SYNPR: variants seen among roughly 807,000 people sequenced by gnomAD.
The protein encoded by SYNPR is synaptoporin.
A neutral mutation model predicts 32.9 loss-of-function variants in SYNPR; 23 were observed. The ratio of observed to expected loss-of-function variants is 0.70; its 90% CI spans 0.50 to 0.99. The LOEUF is 0.99. Ranked by LOEUF, SYNPR falls within the 50% of genes least tolerant of loss-of-function variation. The pLI is 0.00. For synonymous variants in SYNPR, 146 were observed against 135.9 expected, an observed-to-expected ratio of 1.07 and a Z score of -0.52; for missense variants, 318 against 349.3, an observed-to-expected ratio of 0.91 and a Z score of 0.71.
At chr3:63,591,921 T>TA (rs569646701) in intron 4 of SYNPR, among the ~76,000 whole-genome samples, 37,355 of 135,684 alleles carry the variant, frequency 0.28, 4,929 homozygotes, top group South Asian at 0.44. Context: ...TAAAGTATAA[T>TA]AAAAAAAAAA....
intron 2 of SYNPR, among the ~76,000 whole-genome samples, chr3:63,349,306 T>A (rs2087476578): frequency 6.6e-6 from 1 of 151,084 alleles, no homozygotes; most frequent in African/African-American, 2.4e-5. Flanking sequence ...TTCACCATGT[T>A]GGTCAGGCTG....
chr3:63,266,850 G>A (rs1482213192), intron 2 of SYNPR, among the ~76,000 whole-genome samples: 5 of 151,998 alleles, frequency 3.3e-5, no homozygotes, highest in African/African-American at 7.3e-5. Flanking sequence ...CCATGGTGCC[G>A]GGAGTCCATG....
chr3:63,612,278 T>A (rs1700209990), intron 5 of SYNPR, among the ~76,000 whole-genome samples: 1 of 152,210 alleles, frequency 6.6e-6, no homozygotes, highest in Non-Finnish European at 1.5e-5. Flanking sequence ...TCAATACATG[T>A]CAACTGAAAA....
At chr3:63,206,529 C>G in the SYNPR span, among the ~76,000 whole-genome samples, 1 of 151,808 alleles carries the variant, frequency 6.6e-6, no homozygotes, top group Non-Finnish European at 1.5e-5. Context: ...CCACTGCACT[C>G]CAGCCTGGGT....
At chr3:63,357,690 C>T (rs1290159542) in intron 2 of SYNPR, among the ~76,000 whole-genome samples, 1 of 152,138 alleles carries the variant, frequency 6.6e-6, no homozygotes, top group Admixed American at 6.5e-5. Context: ...TAAGTGTGTA[C>T]ATGAATCACC....
intron 2 of SYNPR, among the ~76,000 whole-genome samples, chr3:63,253,131 T>TTA (rs2086348439): frequency 6.6e-6 from 1 of 152,140 alleles, no homozygotes; most frequent in South Asian, 2.1e-4. Context: ...ATAGAACTGT[T>TTA]TTTAGAGTTT....
At chr3:63,505,693 T>C (rs1028372230) in intron 3 of SYNPR, among the ~76,000 whole-genome samples, 3 of 152,218 alleles carry the variant, frequency 2.0e-5, no homozygotes, top group African/African-American at 7.2e-5. Context: ...AATGTGTTTA[T>C]ATACAAGATA....
At chr3:63,445,492 A>G in intron 2 of SYNPR, 2 of 686,062 alleles carry the variant, frequency 2.9e-6, no homozygotes, top group Non-Finnish European at 5.3e-6. Context: ...TTTGGGGGAA[A>G]ACAATAAAGG....
rs1344247997 is a variant in SYNPR, at chr3:63,595,741, A to AAT, written c.409-13384_409-13383insAT. ...TTTATATATATATATATATATATAT[A>AAT]TATATATATATATATATATATATAT... On this transcript the variant is annotated intron_variant, in intron 4 of 5. Transcript: ENST00000478300. Among the ~76,000 whole-genome samples the AAT allele has an allele frequency of 1.6e-3, 72 of 46,024 alleles. 4 individuals are homozygous for AAT. The highest frequency in any genetic ancestry group is 0.015 in the African/African-American group (69 of 4,642). 30.2% of individuals were successfully genotyped at this position (46,024 alleles called of 152,430 possible).
intron 2 of SYNPR, among the ~76,000 whole-genome samples, chr3:63,353,247 A>G (rs537553284): frequency 6.6e-6 from 1 of 152,312 alleles, no homozygotes; most frequent in Non-Finnish European, 1.5e-5. Context: ...TGTAAGAAAA[A>G]CACAAATAGA....
chr3:63,532,195 G>C (rs1702124790), intron 3 of SYNPR, among the ~76,000 whole-genome samples: 1 of 152,130 alleles, frequency 6.6e-6, no homozygotes, highest in Non-Finnish European at 1.5e-5. Context: ...TGAAAAACTG[G>C]AACTTTCAAA....
chr3:63,514,751 A>G (rs1701763620), intron 3 of SYNPR, among the ~76,000 whole-genome samples: 1 of 152,178 alleles, frequency 6.6e-6, no homozygotes, highest in South Asian at 2.1e-4. Flanking sequence ...TTTGTATTTT[A>G]GCTTTTTCTC....
intron 2 of SYNPR, among the ~76,000 whole-genome samples, chr3:63,295,280 T>A (rs990869541): frequency 5.9e-5 from 9 of 152,188 alleles, no homozygotes; most frequent in African/African-American, 2.2e-4. Flanking sequence ...TTTCTACATG[T>A]TATGCCATTT....
intron 3 of SYNPR, among the ~76,000 whole-genome samples, chr3:63,538,680 T>A (rs1702251311): frequency 6.6e-6 from 1 of 151,992 alleles, no homozygotes; most frequent in Non-Finnish European, 1.5e-5. Flanking sequence ...GAAGGCTTCC[T>A]CCACGTGGAG....
intron 3 of SYNPR, among the ~76,000 whole-genome samples, chr3:63,509,119 T>TAC (rs972766633): frequency 2.2e-4 from 33 of 150,212 alleles, no homozygotes; most frequent in Middle Eastern, 3.5e-3. Context: ...TATATATATA[T>TAC]ACACACACAC....
intron 2 of SYNPR, among the ~76,000 whole-genome samples, chr3:63,366,822 T>G (rs531827794): frequency 6.6e-6 from 1 of 152,316 alleles, no homozygotes; most frequent in South Asian, 2.1e-4. Flanking sequence ...ACCTGAGCCA[T>G]TGAATGGTTA....
chr3:63,230,627 G>A (rs2086159500), intron 1 of SYNPR, among the ~76,000 whole-genome samples: 1 of 152,192 alleles, frequency 6.6e-6, no homozygotes, highest in South Asian at 2.1e-4. Flanking sequence ...GTGGTTAAGA[G>A]CCAGCACTTG....
At chr3:63,499,922 A>AC (rs1701447213) in intron 3 of SYNPR, among the ~76,000 whole-genome samples, 1 of 148,502 alleles carries the variant, frequency 6.7e-6, no homozygotes, top group Non-Finnish European at 1.5e-5. Flanking sequence ...CACACACACA[A>AC]AAACTGTTTT....
At chr3:63,483,686 G>A (rs1318606858) in intron 3 of SYNPR, among the ~76,000 whole-genome samples, 1 of 152,098 alleles carries the variant, frequency 6.6e-6, no homozygotes, top group African/African-American at 2.4e-5. Context: ...CTTCTGGAGA[G>A]AAATAACTTA....
Sources: allele counts gnomAD v4.1 joint callset (sites outside exome capture counted in the v4.1 genomes callset), GRCh38; gene constraint gnomAD v4.1.1; transcripts MANE v1.5; gene names NCBI Gene and HGNC (gene_info 2026-07-23, HGNC 2026-07-21).